Variants in DPYSL2 observed in about 807,000 individuals in gnomAD.
DPYSL2 encodes dihydropyrimidinase like 2.
In DPYSL2, 13 loss-of-function variants were observed where a neutral mutation model predicts 69.9. That is an observed-to-expected ratio of 0.19 (90% CI 0.12 to 0.30). The LOEUF (loss-of-function observed/expected upper bound fraction) is 0.30, where lower values mean the gene tolerates loss of function less well. Ranked by LOEUF, DPYSL2 falls within the 10% of genes least tolerant of loss-of-function variation. The probability of loss-of-function intolerance (pLI) is 1.00; values close to 1 mark genes in which losing one functional copy is unlikely to be tolerated. For synonymous variants in DPYSL2, 326 were observed against 359.1 expected, an observed-to-expected ratio of 0.91 and a Z score of 1.04; for missense variants, 587 against 918.9, an observed-to-expected ratio of 0.64 and a Z score of 4.67.
At chr8:26,543,162 C>A (rs1288291250) in intron 1 of DPYSL2, among the ~76,000 whole-genome samples, 1 of 152,132 alleles carries the variant, frequency 6.6e-6, no homozygotes, top group Non-Finnish European at 1.5e-5. Flanking sequence ...ACAGAGTACA[C>A]CAAGTATAGT....
intron 3 of DPYSL2, among the ~76,000 whole-genome samples, chr8:26,602,483 C>T (rs955877293): frequency 6.6e-6 from 1 of 152,110 alleles, no homozygotes; most frequent in Non-Finnish European, 1.5e-5. Flanking sequence ...TGCTAGACAC[C>T]TGAGGCTGCA....
intron 3 of DPYSL2, among the ~76,000 whole-genome samples, chr8:26,612,470 T>G (rs1466844604): frequency 6.6e-6 from 1 of 152,210 alleles, no homozygotes; most frequent in Admixed American, 6.5e-5. Flanking sequence ...GAAATGATGG[T>G]AGATTCTCCG....
chr8:26,567,034 A>G (rs540409573), intron 1 of DPYSL2, among the ~76,000 whole-genome samples: 1 of 151,438 alleles, frequency 6.6e-6, no homozygotes, highest in East Asian at 1.9e-4. Flanking sequence ...CCACCCATCC[A>G]TCTATCCACC....
At chr8:26,579,965 C>T (rs964655089) in intron 1 of DPYSL2, among the ~76,000 whole-genome samples, 1 of 92,346 alleles carries the variant, frequency 1.1e-5, no homozygotes, top group African/African-American at 3.8e-5. Context: ...CCCCCCCCCC[C>T]ACACCCTTTA....
At chr8:26,537,079 T>A (rs1800604029) in intron 1 of DPYSL2, among the ~76,000 whole-genome samples, 1 of 152,194 alleles carries the variant, frequency 6.6e-6, no homozygotes, top group African/African-American at 2.4e-5. Flanking sequence ...AAATTTGATT[T>A]TCTGATGAGT....
rs747179035 is a variant in DPYSL2, at chr8:26,634,774, T to C, written c.1006-6T>C. ...CACATTCTCATGCTCTGCTGCTGTTTTGCAGGTCGAGGCCGAAGCCGTGAA... is the reference window on the plus strand; with the variant it reads ...CACATTCTCATGCTCTGCTGCTGTTCTGCAGGTCGAGGCCGAAGCCGTGAA... On this transcript the variant is annotated splice_polypyrimidine_tract_variant and splice_region_variant and intron_variant, in intron 7 of 13. Transcript: ENST00000521913. 4.6e-5 allele frequency: 74 copies of C among 1,614,150 alleles called. 1 individual carries two copies. In the South Asian group the frequency reaches 7.2e-4, roughly 16 times the overall value.
intron 3 of DPYSL2, among the ~76,000 whole-genome samples, chr8:26,592,640 T>A (rs952054895): frequency 6.6e-6 from 1 of 151,636 alleles, no homozygotes; most frequent in East Asian, 1.9e-4. Flanking sequence ...CATGCCCAGC[T>A]AATTTTTTTT....
Position 26,546,802 on chromosome 8 carries a change from T to C in DPYSL2, c.354+32123T>C, listed in dbSNP as rs1800776466. Among the ~76,000 whole-genome samples, 7 of 151,082 alleles carry C rather than the reference T, an allele frequency of 4.6e-5. No homozygotes were observed. The South Asian group carries it at 1.5e-3, about 32-fold the overall frequency. ...CGGGCGTGGTGGCGGGCACCTGTAGTCCCAGCTACTCAGGAGGCTGAGGCA... is the reference window on the plus strand; with the variant it reads ...CGGGCGTGGTGGCGGGCACCTGTAGCCCCAGCTACTCAGGAGGCTGAGGCA... On this transcript the variant is annotated intron_variant, in intron 1 of 13. Transcript: ENST00000521913.
intron 1 of DPYSL2, chr8:26,578,552 T>C (rs1207179733): frequency 7.2e-7 from 1 of 1,387,016 alleles, no homozygotes; most frequent in Non-Finnish European, 9.3e-7. Flanking sequence ...CCAGACCCGG[T>C]CTATCTTTTA....
intron 1 of DPYSL2, among the ~76,000 whole-genome samples, chr8:26,536,111 T>TC (rs1253803889): frequency 2.0e-5 from 3 of 150,920 alleles, no homozygotes; most frequent in African/African-American, 7.3e-5. Context: ...TTTCCTTTTT[T>TC]TTTTTTTTTC....
At chr8:26,645,897 C>T (rs1274517429) in intron 10 of DPYSL2, among the ~76,000 whole-genome samples, 1 of 150,082 alleles carries the variant, frequency 6.7e-6, no homozygotes, top group Non-Finnish European at 1.5e-5. Flanking sequence ...GACAGTTTCA[C>T]TCTTTCCCCC....
Position 26,514,660 on chromosome 8 carries a change from T to A in DPYSL2, c.335T>A (p.Leu112Gln). 1 of 1,385,774 alleles carries A rather than the reference T, an allele frequency of 7.2e-7. No individual in the cohort carries two copies. Among genetic ancestry groups the A allele is most frequent in the East Asian group, 3.0e-5 (1 of 33,424 alleles). The allele number at this position is 1,385,774 out of a possible 1,614,324, so 85.8% of individuals were successfully genotyped here. The change falls in exon 1 of 14, where the codon CTG (leucine) becomes CAG (glutamine). Residue 112 changes from leucine (L) to glutamine (Q), a missense_variant. By Grantham distance (113) the Leu-to-Gln change is moderately radical. Around this residue, in one of 3 missense-constraint regions of DPYSL2, gnomAD observed 85 missense variants for 77.7 expected, o/e 1.09. Transcript: ENST00000521913. This position sits in a 1 kb window ranked among gnomAD's most constrained non-coding sequence, Gnocchi z 8.4. ...EIRRASGKEA[L>Q]QNINDQSDRL... ...CGGAGGGCCTCGGGCAAAGAAGCCC[T>A]GCAGAACATCAACGACCAGGTCGGT... is the stretch of plus-strand genomic sequence containing the variant.
At chr8:26,637,882 A>G (rs1802955397) in intron 8 of DPYSL2, 1 of 152,256 alleles carries the variant, frequency 6.6e-6, no homozygotes, top group East Asian at 1.9e-4. Context: ...GGAGATGAGA[A>G]GCGTGACCAG....
At position 26,640,340 on chromosome 8, in the gene DPYSL2, T is replaced by C. The variant is rs1050935644; in HGVS notation, c.1127-3099T>C. ...TGGTCACATCCTTCAGTTTAGACTTTACCTGGAGAAGAAAATCACAAAGGT... is the reference window on the plus strand; with the variant it reads ...TGGTCACATCCTTCAGTTTAGACTTCACCTGGAGAAGAAAATCACAAAGGT... On this transcript the variant is annotated intron_variant, in intron 8 of 13. Coordinates refer to ENST00000521913, the MANE Select transcript of DPYSL2 (RefSeq NM_001197293.3). The surrounding 1 kb of genome is among the most constrained non-coding windows in gnomAD (Gnocchi z 4.2). 2.3e-4 allele frequency among the ~76,000 whole-genome samples: 35 copies of C among 152,212 alleles called. No homozygotes were observed.
chr8:26,547,769 G>A lies in DPYSL2; in HGVS notation c.354+33090G>A, dbSNP rs576253988. On this transcript the variant is annotated intron_variant, in intron 1 of 13. Transcript: ENST00000521913. ...GCCTGCAAGCAGGCGGAGGTCTTCA[G>A]GCAAAATCTTTTCCAGGAGGCTGAG... 140 of 311,202 alleles carry A rather than the reference G, an allele frequency of 4.5e-4. 3 individuals are homozygous for A. Among genetic ancestry groups the A allele is most frequent in the South Asian group, 3.1e-3 (97 of 31,322 alleles). The allele number at this position is 311,202 out of a possible 1,614,324, so 19.3% of individuals were successfully genotyped here. A position where few individuals can be genotyped will look rare whatever the true frequency, so the allele number is the denominator to read the frequency against.
At position 26,655,727 on chromosome 8, in the gene DPYSL2, C is replaced by T. The variant is rs772627453; in HGVS notation, c.*21C>T. On this transcript the variant is annotated 3_prime_UTR_variant, in exon 14 of 14. Transcript: ENST00000521913. ...GCTAGAGCTCCTGGGCTGTGCCGTC[C>T]ACTGGGGACTGGGGATGGGACACCT... 23 of 1,576,718 alleles carry T rather than the reference C, an allele frequency of 1.5e-5. No homozygotes were observed. The East Asian group carries it at 4.7e-4, about 33-fold the overall frequency.
chr8:26,536,050 TG>T (rs1800587726), intron 1 of DPYSL2, among the ~76,000 whole-genome samples: 1 of 151,230 alleles, frequency 6.6e-6, no homozygotes, highest in Non-Finnish European at 1.5e-5. Flanking sequence ...GCCTTCCAAG[TG>T]GCTGGCACTA....
In DPYSL2 at chr8:26,648,881, G is replaced by A. The variant is rs879535363; in HGVS notation, c.1596+1081G>A. On this transcript the variant is annotated intron_variant, in intron 11 of 13. Transcript: ENST00000521913. This position sits in a 1 kb window ranked among gnomAD's most constrained non-coding sequence, Gnocchi z 4.3. Reference sequence around the variant, plus strand: ...CCAGGGTGGTGGGTGTTTCTCAGAAGACTGTTCAAGTCTGTGTTTAAAGCT... The same window carrying A: ...CCAGGGTGGTGGGTGTTTCTCAGAAAACTGTTCAAGTCTGTGTTTAAAGCT... 2.0e-5 allele frequency among the ~76,000 whole-genome samples: 3 copies of A among 152,226 alleles called. No homozygotes were observed. The highest frequency in any genetic ancestry group is 4.4e-5 in the Non-Finnish European group (3 of 68,046).
At chr8:26,630,272 G>A (rs1414651545) in intron 7 of DPYSL2, among the ~76,000 whole-genome samples, 1 of 152,230 alleles carries the variant, frequency 6.6e-6, no homozygotes, top group East Asian at 1.9e-4. Context: ...CGGCTTCTGT[G>A]ACTGCCCTCG....
Sources: gnomAD v4.1 joint callset for allele counts (sites outside exome capture counted in the v4.1 genomes callset) on GRCh38, gnomAD v4.1.1 for gene constraint, gnomAD v4.1.1 regional missense constraint, Gnocchi (gnomAD v3.1) non-coding constraint, MANE v1.5 for transcripts, NCBI Gene and HGNC (gene_info 2026-07-23, HGNC 2026-07-21) for gene names.